Variants in TEX2 observed in about 807,000 individuals in gnomAD.
TEX2 encodes the protein testis expressed 2.
Under a neutral mutation model 106.9 loss-of-function variants are expected in TEX2, and 53 were observed. That is an observed-to-expected ratio of 0.50 (90% CI 0.40 to 0.62). The LOEUF is 0.62. Among genes scored for constraint, TEX2 ranks in the 20% least tolerant of loss-of-function variants. The pLI, the probability that TEX2 is intolerant of heterozygous loss-of-function variation, is 0.00. For synonymous variants in TEX2, 523 were observed against 534.8 expected (o/e 0.98, Z 0.30); for missense variants, 1,207 against 1,379.0 (o/e 0.88, Z 1.98).
At chr17:64,186,809 C>T (rs1435601109) in intron 5 of TEX2, among the ~76,000 whole-genome samples, 1 of 151,068 alleles carries the variant, frequency 6.6e-6, no homozygotes, top group East Asian at 1.9e-4. Context: ...CTGGGTGACA[C>T]TGCGAGACCT....
At chr17:64,206,078 G>A (rs1300864767) in intron 2 of TEX2, among the ~76,000 whole-genome samples, 2 of 152,152 alleles carry the variant, frequency 1.3e-5, no homozygotes, top group African/African-American at 4.8e-5. Context: ...AAATAATCCT[G>A]GGCAAGGGAC....
At position 64,160,878 on chromosome 17, in the gene TEX2, C is replaced by T. The variant is rs2030851824; in HGVS notation, c.2727G>A (p.Glu909=). 2 of 1,613,988 alleles carry T rather than the reference C, an allele frequency of 1.2e-6. No individual in the cohort carries two copies. Among genetic ancestry groups the T allele is most frequent in the African/African-American group, 1.3e-5 (1 of 74,878 alleles). Residue 909 remains glutamate, a synonymous_variant, in exon 8 of 12, where the codon GAG becomes GAA. Transcript: ENST00000584379. ...CTAGTTTGGTCAAATTCATTTTGGT[C>T]TCGAGAGTCATCAGAAAGGACCCAT... ...SYNGSFLMTL[E]TKMNLTKLGK... is the part of the protein sequence containing the mutation.
intron 2 of TEX2, among the ~76,000 whole-genome samples, chr17:64,204,500 CTTAT>C (rs1299016899): frequency 6.6e-6 from 1 of 152,150 alleles, no homozygotes; most frequent in African/African-American, 2.4e-5. Context: ...ATCAGCAAGG[CTTAT>C]TTACTTTCTC....
At chr17:64,181,354 T>C (rs988980704) in intron 5 of TEX2, among the ~76,000 whole-genome samples, 3 of 150,818 alleles carry the variant, frequency 2.0e-5, no homozygotes, top group African/African-American at 4.9e-5. Flanking sequence ...TGCGTGCCTA[T>C]AGTCCCAGCT....
At chr17:64,174,579 C>T (rs1044470711) in intron 6 of TEX2, among the ~76,000 whole-genome samples, 1 of 152,210 alleles carries the variant, frequency 6.6e-6, no homozygotes, top group African/African-American at 2.4e-5. Flanking sequence ...AAACTGTTTT[C>T]TTCCCACCCA....
chr17:64,213,091 G>A lies in TEX2; in HGVS notation c.1127C>T (p.Pro376Leu). ...RSDHPKSTGE[P>L]TREIELKSSQ... is the part of the protein sequence containing the mutation. Reference sequence around the variant, plus strand: ...ACTTTTCAGTTCTATCTCTCTTGTGGGCTCACCAGTGGACTTTGGGTGGTC... The same window carrying A: ...ACTTTTCAGTTCTATCTCTCTTGTGAGCTCACCAGTGGACTTTGGGTGGTC... Residue 376 changes from proline (P) to leucine (L), a missense_variant, in exon 2 of 12, where the codon CCC becomes CTC. By Grantham distance (98) the Pro-to-Leu change is moderately conservative. Coordinates refer to ENST00000584379, the MANE Select transcript of TEX2 (RefSeq NM_001288732.2). This position sits in a 1 kb window ranked among gnomAD's most constrained non-coding sequence, Gnocchi z 4.4. The A allele has an allele frequency of 6.2e-7, 1 of 1,614,150 alleles. No homozygotes were observed. The highest frequency in any genetic ancestry group is 8.5e-7 in the Non-Finnish European group (1 of 1,180,032).
At chr17:64,221,381 G>T (rs1555633282) in intron 1 of TEX2, among the ~76,000 whole-genome samples, 1 of 152,054 alleles carries the variant, frequency 6.6e-6, no homozygotes, top group East Asian at 1.9e-4. Context: ...TAAAAAAATG[G>T]GCAAAGGACT....
chr17:64,239,020 T>C (rs2033828904), intron 1 of TEX2: 1 of 152,240 alleles, frequency 6.6e-6, no homozygotes, highest in Non-Finnish European at 1.5e-5. Context: ...TTAATCTTCA[T>C]GGCCCTATGA....
chr17:64,207,767 G>A (rs560278045), intron 2 of TEX2, among the ~76,000 whole-genome samples: 39 of 147,170 alleles, frequency 2.6e-4, no homozygotes, highest in South Asian at 2.1e-3. Context: ...ACGGAGTCTC[G>A]CTCTGTCACT....
chr17:64,179,798 C>G (rs1430545499), intron 5 of TEX2, among the ~76,000 whole-genome samples: 1 of 151,930 alleles, frequency 6.6e-6, no homozygotes, highest in African/African-American at 2.4e-5. Context: ...AAAAAGAAAG[C>G]ATGCTGGTCA....
At chr17:64,219,521 A>AATAAAATAAAATAAAAT (rs1567951522) in intron 1 of TEX2, among the ~76,000 whole-genome samples, 2 of 147,422 alleles carry the variant, frequency 1.4e-5, no homozygotes, top group African/African-American at 2.5e-5. Context: ...ATAAAATAAA[A>AATAAAATAAAATAAAAT]TAAAATAAAA....
intron 4 of TEX2, among the ~76,000 whole-genome samples, chr17:64,190,787 A>G (rs1010940): frequency 0.56 from 84,760 of 152,024 alleles, 24,914 homozygotes; most frequent in East Asian, 0.83. Context: ...CCCACCCATG[A>G]CCTCGAGTCA....
chr17:64,260,583 C>T (rs2034272111), intron 1 of TEX2, among the ~76,000 whole-genome samples: 1 of 152,202 alleles, frequency 6.6e-6, no homozygotes, highest in Non-Finnish European at 1.5e-5. Flanking sequence ...GTTTCCTCTT[C>T]TGTAAAATGA....
Position 64,195,370 on chromosome 17 carries a change from T to TA in TEX2, c.1645-276dup, listed in dbSNP as rs1282289964. 6.6e-6 allele frequency among the ~76,000 whole-genome samples: 1 copy of TA among 152,176 alleles called. No homozygotes were observed. Among genetic ancestry groups the TA allele is most frequent in the Non-Finnish European group, 1.5e-5 (1 of 68,030 alleles). ...AGGTTCTTTCTTTTTTTAAAGCTTA[T>TA]AAGCACATCAGGAAACTCAGAAGAT... On this transcript the variant is annotated intron_variant, in intron 2 of 11. Transcript: ENST00000584379. The surrounding 1 kb of genome is among the most constrained non-coding windows in gnomAD (Gnocchi z 4.1).
chr17:64,190,511 G>C (rs1487784737), intron 4 of TEX2, among the ~76,000 whole-genome samples: 1 of 152,152 alleles, frequency 6.6e-6, no homozygotes, highest in Non-Finnish European at 1.5e-5. Flanking sequence ...ACGAGGCCTG[G>C]CTGGTGCTCA....
chr17:64,220,536 G>A (rs1256798453), intron 1 of TEX2, among the ~76,000 whole-genome samples: 1 of 151,902 alleles, frequency 6.6e-6, no homozygotes, highest in African/African-American at 2.4e-5. Flanking sequence ...TTAAAAAGTG[G>A]GCAAAGGACA....
intron 1 of TEX2, among the ~76,000 whole-genome samples, chr17:64,228,081 C>A (rs1555634115): frequency 6.6e-6 from 1 of 152,082 alleles, no homozygotes; most frequent in Non-Finnish European, 1.5e-5. Context: ...CCTTTGACTG[C>A]CCTCTGGTTA....
rs373780985 is a variant in TEX2 at position 64,213,733 on chromosome 17, G to C, written c.485C>G (p.Ser162Cys). The change falls in exon 2 of 12, where the codon TCC becomes TGC. Residue 162 changes from serine (S) to cysteine (C), a missense_variant. Coordinates refer to ENST00000584379, the MANE Select transcript of TEX2 (RefSeq NM_001288732.2). The surrounding 1 kb of genome is among the most constrained non-coding windows in gnomAD (Gnocchi z 4.4). ...SLSEQKTSSS[S>C]PLSSPSKSPI... ...AGACTTAGAAGGAGAGGACAATGGG[G>C]AGGAAGAACTGGTTTTCTGCTCAGA... 6.8e-6 allele frequency: 11 copies of C among 1,614,068 alleles called. No homozygotes were observed. The highest frequency in any genetic ancestry group is 9.3e-6 in the Non-Finnish European group (11 of 1,180,046).
At chr17:64,160,337 C>T (rs1458353576) in intron 8 of TEX2, among the ~76,000 whole-genome samples, 1 of 152,138 alleles carries the variant, frequency 6.6e-6, no homozygotes, top group Non-Finnish European at 1.5e-5. Context: ...AGGGAAAATG[C>T]TTCTCAAAAC....
Sources: allele counts gnomAD v4.1 joint callset (sites outside exome capture counted in the v4.1 genomes callset), GRCh38; gene constraint gnomAD v4.1.1; non-coding constraint Gnocchi (gnomAD v3.1); transcripts MANE v1.5; gene names NCBI Gene and HGNC (gene_info 2026-07-23, HGNC 2026-07-21).